MRPS35: variants seen among roughly 807,000 people sequenced by gnomAD.
MRPS35 encodes small ribosomal subunit protein mS35.
A neutral mutation model predicts 32.7 loss-of-function variants in MRPS35; 29 were observed. The ratio of observed to expected loss-of-function variants is 0.89; its 90% CI spans 0.66 to 1.21. MRPS35 has a LOEUF of 1.21. Ranked by LOEUF, MRPS35 falls within the 50% of genes most tolerant of loss-of-function variation. The pLI, the probability that MRPS35 is intolerant of heterozygous loss-of-function variation, is 0.00. For synonymous variants in MRPS35, 148 were observed against 139.3 expected, an observed-to-expected ratio of 1.06 and a Z score of -0.44; for missense variants, 373 against 383.8, an observed-to-expected ratio of 0.97 and a Z score of 0.23.
In MRPS35 at chr12:27,755,552, T is replaced by C. The variant is rs1377407763; in HGVS notation, c.*102T>C. 5.1e-6 allele frequency: 6 copies of C among 1,169,060 alleles called. No homozygotes were observed. Among genetic ancestry groups the C allele is most frequent in the African/African-American group, 1.6e-5 (1 of 62,376 alleles). The allele number at this position is 1,169,060 out of a possible 1,614,324, so 72.4% of individuals were successfully genotyped here. On this transcript the variant is annotated 3_prime_UTR_variant, in exon 8 of 8. Transcript: ENST00000081029. ...GAAAATGTTAAAAAATCATTTTTTT[T>C]CCTCAGAGTTAAAATTATTTCCCTC...
chr12:27,743,413 A>G (rs1431534671), intron 7 of MRPS35, among the ~76,000 whole-genome samples: 1 of 152,014 alleles, frequency 6.6e-6, no homozygotes, highest in Non-Finnish European at 1.5e-5. Flanking sequence ...CTGTAATCCC[A>G]GCTACTTGGG....
chr12:27,748,049 A>G (rs1289045553), intron 7 of MRPS35, among the ~76,000 whole-genome samples: 1 of 152,206 alleles, frequency 6.6e-6, no homozygotes, highest in Admixed American at 6.5e-5. Flanking sequence ...TAAGGCACTT[A>G]GAATAGTGCC....
chr12:27,755,006 T>C (rs970866588), intron 7 of MRPS35, among the ~76,000 whole-genome samples, 175 bp from the exon 8 acceptor site: 1 of 151,764 alleles, frequency 6.6e-6, no homozygotes, highest in African/African-American at 2.4e-5. Flanking sequence ...AGTACAGGGT[T>C]AAGGGGCCAA....
At chr12:27,745,540 G>C (rs1038302928) in intron 7 of MRPS35, among the ~76,000 whole-genome samples, 6 of 151,846 alleles carry the variant, frequency 4.0e-5, no homozygotes, top group Admixed American at 3.9e-4. Flanking sequence ...GTTTTCAGCT[G>C]GGGGTTGTAT....
At chr12:27,740,825 A>G (rs573593775) in intron 7 of MRPS35, among the ~76,000 whole-genome samples, 5 of 152,302 alleles carry the variant, frequency 3.3e-5, no homozygotes, top group Admixed American at 2.6e-4. Context: ...CTCAAAGAAT[A>G]ATTATTTCAG....
At chr12:27,733,011 T>G (rs1409731104) in intron 5 of MRPS35, among the ~76,000 whole-genome samples, 1 of 35,584 alleles carries the variant, frequency 2.8e-5, no homozygotes, top group Non-Finnish European at 6.1e-5. Context: ...TATATATATA[T>G]ATATATATAT....
chr12:27,721,989 T>C (rs1332683888), intron 4 of MRPS35, among the ~76,000 whole-genome samples: 5 of 152,074 alleles, frequency 3.3e-5, no homozygotes, highest in Admixed American at 1.3e-4. Flanking sequence ...CTCTGTAGGC[T>C]GAGGTGGACG....
In MRPS35 at chr12:27,710,840, A is replaced by T; in HGVS notation, c.-4A>T. On this transcript the variant is annotated 5_prime_UTR_variant, in exon 1 of 8. Transcript: ENST00000081029. ...GTCCCCTCCGGCTTGCCGTCCTCGCAGCCATGGCGGCCGCCGCGCTCCCAG... is the reference window on the plus strand; with the variant it reads ...GTCCCCTCCGGCTTGCCGTCCTCGCTGCCATGGCGGCCGCCGCGCTCCCAG... 6.2e-7 allele frequency: 1 copy of T among 1,604,044 alleles called. No homozygotes were observed. The highest frequency in any genetic ancestry group is 1.1e-5 in the South Asian group (1 of 90,726).
At chr12:27,742,665 A>G (rs574916906) in intron 7 of MRPS35, among the ~76,000 whole-genome samples, 99 of 152,348 alleles carry the variant, frequency 6.5e-4, no homozygotes, top group Non-Finnish European at 1.0e-3. Context: ...AGGTGAGGCT[A>G]GCAGTAAGTC....
At chr12:27,725,616 G>A in intron 5 of MRPS35, 1 of 239,290 alleles carries the variant, frequency 4.2e-6, no homozygotes, top group East Asian at 1.3e-4. Context: ...ATGTGAGAAG[G>A]CCTGCTTTCC....
At chr12:27,741,966 A>G (rs1413546382) in intron 7 of MRPS35, among the ~76,000 whole-genome samples, 2 of 152,184 alleles carry the variant, frequency 1.3e-5, no homozygotes. Flanking sequence ...AAGTCATGTA[A>G]CAAAAATTTC....
intron 7 of MRPS35, among the ~76,000 whole-genome samples, chr12:27,751,780 C>G (rs1270202092): frequency 6.6e-6 from 1 of 152,226 alleles, no homozygotes; most frequent in Non-Finnish European, 1.5e-5. Context: ...GGCAATTATA[C>G]CTTTTACAGA....
intron 5 of MRPS35, among the ~76,000 whole-genome samples, chr12:27,735,155 G>A (rs959148657): frequency 3.3e-5 from 5 of 152,040 alleles, no homozygotes; most frequent in African/African-American, 4.8e-5. Flanking sequence ...AGTGCTACTC[G>A]TAAGCACCAT....
intron 7 of MRPS35, among the ~76,000 whole-genome samples, chr12:27,747,403 T>C (rs2061985041): frequency 6.6e-6 from 1 of 152,236 alleles, no homozygotes. Context: ...CATTCATCTT[T>C]ATATTGCATT....
At chr12:27,742,135 T>G (rs1032868545) in intron 7 of MRPS35, among the ~76,000 whole-genome samples, 5 of 152,204 alleles carry the variant, frequency 3.3e-5, no homozygotes, top group Non-Finnish European at 7.3e-5. Flanking sequence ...TTATACTTAC[T>G]AAGAGTTCGT....
chr12:27,724,312 G>A, intron 5 of MRPS35, 126 bp downstream of exon 5: 1 of 785,124 alleles, frequency 1.3e-6, no homozygotes, highest in Non-Finnish European at 1.8e-6. Context: ...GCCAAGGTGG[G>A]AGAATTGCTT....
chr12:27,730,576 A>G (rs192128376), intron 5 of MRPS35, among the ~76,000 whole-genome samples: 8 of 152,178 alleles, frequency 5.3e-5, no homozygotes, highest in Admixed American at 5.2e-4. Context: ...TTGTTTCCCC[A>G]GTAGCTGGGA....
At chr12:27,742,176 G>A (rs527520345) in intron 7 of MRPS35, among the ~76,000 whole-genome samples, 1 of 152,198 alleles carries the variant, frequency 6.6e-6, no homozygotes, top group Admixed American at 6.5e-5. Flanking sequence ...AGATATTTCT[G>A]ATAAAAATGA....
chr12:27,742,060 C>T (rs1372321445), intron 7 of MRPS35, among the ~76,000 whole-genome samples: 4 of 152,088 alleles, frequency 2.6e-5, no homozygotes, highest in South Asian at 2.1e-4. Flanking sequence ...CCCAGGAATT[C>T]GAGTCCAGCT....
Sources: allele counts gnomAD v4.1 joint callset (sites outside exome capture counted in the v4.1 genomes callset), GRCh38; gene constraint gnomAD v4.1.1; transcripts MANE v1.5; gene names NCBI Gene and HGNC (gene_info 2026-07-23, HGNC 2026-07-21).